PRDM2: variants seen among roughly 807,000 people sequenced by gnomAD.
The protein encoded by PRDM2 is PR/SET domain 2.
Under a neutral mutation model 130.0 loss-of-function variants are expected in PRDM2, and 30 were observed. The ratio of observed to expected loss-of-function variants is 0.23; its 90% CI spans 0.17 to 0.31. The LOEUF (loss-of-function observed/expected upper bound fraction) is 0.31. PRDM2 is among the 10% of genes least tolerant of loss of function. The pLI, the probability that PRDM2 is intolerant of heterozygous loss-of-function variation, is 1.00. For synonymous variants in PRDM2, 871 were observed against 782.4 expected (o/e 1.11, Z -1.89); for missense variants, 2,011 against 2,108.4 (o/e 0.95, Z 0.90).
At chr1:13,807,414 G>T (rs1312279607) in intron 8 of PRDM2, among the ~76,000 whole-genome samples, 1 of 152,204 alleles carries the variant, frequency 6.6e-6, no homozygotes, top group Admixed American at 6.6e-5. Flanking sequence ...CATGGAGCCT[G>T]CTAGACAGAC....
At chr1:13,787,801 A>G (rs1178463372) in intron 8 of PRDM2, 21 of 981,146 alleles carry the variant, frequency 2.1e-5, no homozygotes, top group South Asian at 4.7e-5. Flanking sequence ...GTGCTATAAA[A>G]GACTATTCTA....
At chr1:13,722,096 C>T (rs1289765164) in intron 2 of PRDM2, among the ~76,000 whole-genome samples, 1 of 152,122 alleles carries the variant, frequency 6.6e-6, no homozygotes, top group Admixed American at 6.6e-5. Context: ...ACTATTACTG[C>T]TTGAATTCAG....
chr1:13,790,832 C>G (rs947538251), intron 8 of PRDM2, among the ~76,000 whole-genome samples: 1 of 152,042 alleles, frequency 6.6e-6, no homozygotes, highest in Non-Finnish European at 1.5e-5. Flanking sequence ...CTTCCTCCCT[C>G]CCCCCCTTCT....
In PRDM2 at chr1:13,748,840, T is replaced by C. The variant is rs376339549; in HGVS notation, c.385-521T>C. Among the ~76,000 whole-genome samples, 3 of 152,264 alleles carry C rather than the reference T, an allele frequency of 2.0e-5. No individual in the cohort carries two copies. In the East Asian group the frequency reaches 5.8e-4, roughly 29 times the overall value. On this transcript the variant is annotated intron_variant, in intron 5 of 9. Transcript: ENST00000311066. ...GTTGGTGGCCCCGGGCGGCCTCCCGTTGGCGGCTCTGGGATAGAAACCGCG... is the reference window on the plus strand; with the variant it reads ...GTTGGTGGCCCCGGGCGGCCTCCCGCTGGCGGCTCTGGGATAGAAACCGCG...
chr1:13,700,571 T>G (rs1642040770), intron 1 of PRDM2, among the ~76,000 whole-genome samples: 1 of 151,200 alleles, frequency 6.6e-6, no homozygotes, highest in Non-Finnish European at 1.5e-5. Flanking sequence ...AAGTTCGGGA[T>G]TCGGTTTGTC....
intron 2 of PRDM2, among the ~76,000 whole-genome samples, chr1:13,716,579 A>G (rs1642548914): frequency 6.6e-6 from 1 of 152,204 alleles, no homozygotes; most frequent in Non-Finnish European, 1.5e-5. Context: ...GCAAATATTG[A>G]AATGTAAGAT....
chr1:13,823,240 T>C lies in PRDM2; in HGVS notation c.*105T>C. 1 of 1,585,384 alleles carries C rather than the reference T, an allele frequency of 6.3e-7. No individual in the cohort carries two copies. The highest frequency in any genetic ancestry group is 8.7e-7 in the Non-Finnish European group (1 of 1,155,460). On this transcript the variant is annotated 3_prime_UTR_variant, in exon 10 of 10. Transcript: ENST00000311066. ...GGAGTACCGACCTATCCCAGTTGTG[T>C]GAGGCTGCGAGAGAAAGGGAGTGCA...
chr1:13,742,431 G>T (rs1456346883), intron 5 of PRDM2, among the ~76,000 whole-genome samples: 1 of 152,100 alleles, frequency 6.6e-6, no homozygotes, highest in African/African-American at 2.4e-5. Flanking sequence ...CAAACTGCTG[G>T]GCTCAAGCGA....
At chr1:13,797,391 G>A (rs1017335702) in intron 8 of PRDM2, among the ~76,000 whole-genome samples, 3 of 152,214 alleles carry the variant, frequency 2.0e-5, no homozygotes, top group African/African-American at 7.2e-5. Context: ...CCAACTGTTT[G>A]ATAGGCCTCA....
At chr1:13,793,846 AGTT>A (rs981312909) in intron 8 of PRDM2, among the ~76,000 whole-genome samples, 2 of 151,386 alleles carry the variant, frequency 1.3e-5, no homozygotes, top group African/African-American at 4.9e-5. Flanking sequence ...CAAAAAAAAA[AGTT>A]AGTGTTTTAA....
intron 6 of PRDM2, among the ~76,000 whole-genome samples, chr1:13,765,934 C>T (rs1037696076): frequency 1.3e-5 from 2 of 152,182 alleles, no homozygotes; most frequent in Non-Finnish European, 2.9e-5. Context: ...GCTTTGAGAA[C>T]TCTAACTTTA....
intron 6 of PRDM2, among the ~76,000 whole-genome samples, chr1:13,767,233 T>C (rs1027105107): frequency 7.9e-5 from 12 of 151,732 alleles, no homozygotes; most frequent in Non-Finnish European, 1.3e-4. Flanking sequence ...CAGGATAAAA[T>C]AGAAATAAAA....
In PRDM2 at chr1:13,782,091, A is replaced by G; in HGVS notation, c.4296A>G (p.Ala1432=). ...LKKKNQLVQK[A]ILQKNKSAKQ... Reference sequence around the variant, plus strand: ...AAAAAAATCAGCTAGTACAGAAAGCAATTCTTCAGAAAAACAAATCTGCAA... The same window carrying G: ...AAAAAAATCAGCTAGTACAGAAAGCGATTCTTCAGAAAAACAAATCTGCAA... Residue 1432 remains alanine (A), a synonymous_variant, in exon 8 of 10, where the codon GCA becomes GCG. Transcript: ENST00000311066. The G allele has an allele frequency of 6.2e-7, 1 of 1,614,124 alleles. No homozygotes were observed. Among genetic ancestry groups the G allele is most frequent in the Non-Finnish European group, 8.5e-7 (1 of 1,180,024 alleles).
chr1:13,798,627 T>C (rs1644959116), intron 8 of PRDM2, among the ~76,000 whole-genome samples: 2 of 152,332 alleles, frequency 1.3e-5, no homozygotes, highest in African/African-American at 4.8e-5. Context: ...CTGAACATCA[T>C]GGGGGTAGAA....
chr1:13,773,295 C>A (rs1008730296), intron 7 of PRDM2, 107 bp downstream of exon 7: 3 of 647,144 alleles, frequency 4.6e-6, no homozygotes, highest in African/African-American at 1.9e-5. Flanking sequence ...AGGATCTTTA[C>A]GAGGTTAAAC....
intron 1 of PRDM2, among the ~76,000 whole-genome samples, chr1:13,702,299 T>C (rs975307792): frequency 6.6e-6 from 1 of 152,232 alleles, no homozygotes; most frequent in African/African-American, 2.4e-5. Context: ...CAATATTATG[T>C]TTAATGGCTA....
chr1:13,784,039 CAT>C (rs1269107535), intron 8 of PRDM2, among the ~76,000 whole-genome samples: 6 of 152,290 alleles, frequency 3.9e-5, no homozygotes, highest in African/African-American at 1.2e-4. Flanking sequence ...AGAGAAGAAT[CAT>C]TAGCTAAGGC....
In PRDM2 at chr1:13,782,723, A is replaced by C. The variant is rs1644644381; in HGVS notation, c.4928A>C (p.Glu1643Ala). ...RTDRFNIKSR[E>A]RSGGPVTRSL... ...GACCGGTTCAATATAAAATCTAGAG[A>C]GCGGAGTGGGGGGCCAGTCACCCGG... Residue 1643 changes from glutamate (E) to alanine (A), a missense_variant, in exon 8 of 10, where the codon GAG (glutamate) becomes GCG (alanine). This residue lies in a region of PRDM2 where 410 missense variants were observed against 395.9 expected (regional missense o/e 1.04). Transcript: ENST00000311066. 6.2e-7 allele frequency: 1 copy of C among 1,613,656 alleles called. No homozygotes were observed. Among genetic ancestry groups the C allele is most frequent in the African/African-American group, 1.3e-5 (1 of 74,844 alleles).
chr1:13,730,896 C>T (rs777551884), intron 2 of PRDM2, 104 bp from the exon 3 acceptor site: 15 of 785,770 alleles, frequency 1.9e-5, no homozygotes, highest in Admixed American at 1.5e-4. Flanking sequence ...CTTCAGGTTT[C>T]GGTTACATTT....
Sources: gnomAD v4.1 joint callset for allele counts (sites outside exome capture counted in the v4.1 genomes callset) on GRCh38, gnomAD v4.1.1 for gene constraint, gnomAD v4.1.1 regional missense constraint, MANE v1.5 for transcripts, NCBI Gene and HGNC (gene_info 2026-07-23, HGNC 2026-07-21) for gene names.